Variants in WIPF1 observed in about 807,000 individuals in gnomAD.
WIPF1 encodes WAS/WASL interacting protein family member 1, also known as WAS/WASL-interacting protein family member 1.
In WIPF1, 13 loss-of-function variants were observed where a neutral mutation model predicts 35.4. The ratio of observed to expected loss-of-function variants is 0.37; its 90% CI spans 0.24 to 0.58. WIPF1 has a LOEUF of 0.58. Ranked by LOEUF, WIPF1 falls within the 20% of genes least tolerant of loss-of-function variation. The pLI is 0.74. For missense variants in WIPF1, 591 were observed against 667.0 expected (o/e 0.89, Z 1.25); for synonymous variants, 267 against 266.3 (o/e 1.00, Z -0.02).
chr2:174,626,814 C>T (rs1008745138), intron 1 of WIPF1, among the ~76,000 whole-genome samples: 2 of 152,206 alleles, frequency 1.3e-5, no homozygotes, highest in Non-Finnish European at 2.9e-5. Flanking sequence ...CCTAACTGGT[C>T]CTTCTCTTCC....
chr2:174,635,468 G>T (rs370788317), intron 1 of WIPF1, among the ~76,000 whole-genome samples: 11 of 150,276 alleles, frequency 7.3e-5, no homozygotes, highest in African/African-American at 2.7e-4. Context: ...CAGGGACTAA[G>T]CAACAAGCCC....
At chr2:174,601,355 T>C (rs1686002548), upstream of WIPF1, among the ~76,000 whole-genome samples, 1 of 152,210 alleles carries the variant, frequency 6.6e-6, no homozygotes, top group African/African-American at 2.4e-5. Context: ...GGTCAGCAGG[T>C]AAAACCCTTG....
chr2:174,620,460 T>C (rs1018632810), intron 1 of WIPF1, among the ~76,000 whole-genome samples: 1 of 152,268 alleles, frequency 6.6e-6, no homozygotes, highest in Non-Finnish European at 1.5e-5. Context: ...TTTATCTTCA[T>C]AGTACCAAGT....
At chr2:174,665,986 T>C (rs1328078800) in intron 1 of WIPF1, among the ~76,000 whole-genome samples, 2 of 152,226 alleles carry the variant, frequency 1.3e-5, no homozygotes, top group Non-Finnish European at 2.9e-5. Flanking sequence ...TTTTCTCTCT[T>C]AAAAATATTT....
chr2:174,672,192 C>T (rs1688032058), intron 1 of WIPF1, among the ~76,000 whole-genome samples: 1 of 152,160 alleles, frequency 6.6e-6, no homozygotes, highest in Non-Finnish European at 1.5e-5. Flanking sequence ...GGGGCGGGTT[C>T]CCCCAATAAT....
chr2:174,578,252 C>T (rs982182879), intron 3 of WIPF1, among the ~76,000 whole-genome samples: 1 of 152,168 alleles, frequency 6.6e-6, no homozygotes, highest in African/African-American at 2.4e-5. Context: ...CAGTTGAAAA[C>T]CACTAATGTA....
intron 1 of WIPF1, among the ~76,000 whole-genome samples, chr2:174,646,296 T>A (rs1468070837): frequency 6.6e-6 from 1 of 152,158 alleles, no homozygotes; most frequent in Non-Finnish European, 1.5e-5. Flanking sequence ...TAGGAGCACA[T>A]CAAACGGGGC....
At position 174,572,071 on chromosome 2, in the gene WIPF1, G is replaced by A; in HGVS notation, c.734C>T (p.Pro245Leu). 2 of 1,564,254 alleles carry A rather than the reference G, an allele frequency of 1.3e-6. No individual in the cohort carries two copies. Among genetic ancestry groups the A allele is most frequent in the Non-Finnish European group, 8.6e-7 (1 of 1,156,650 alleles). ...CGGCAGGGGAGGCCGGTTGGAGAAG[G>A]GCGAGGAGGAGCTCAAGGGGGACTG... ...IRQSPLSSSS[P>L]FSNRPPLPPT... Residue 245 changes from proline (P) to leucine (L), a missense_variant, in exon 5 of 8, where the codon CCC becomes CTC. Transcript: ENST00000679041.
At chr2:174,665,022 A>C (rs978235375) in intron 1 of WIPF1, among the ~76,000 whole-genome samples, 3 of 152,164 alleles carry the variant, frequency 2.0e-5, no homozygotes, top group African/African-American at 7.2e-5. Flanking sequence ...CCACTATAGA[A>C]ATTGATTACC....
At chr2:174,575,476 C>T in intron 3 of WIPF1, 96 bp from the exon 4 acceptor site, 2 of 1,450,334 alleles carry the variant, frequency 1.4e-6, no homozygotes, top group South Asian at 3.0e-5. Flanking sequence ...CGGCTCTCGG[C>T]CTCCAGTGGA....
At chr2:174,652,358 C>G (rs999505627) in intron 1 of WIPF1, among the ~76,000 whole-genome samples, 5 of 152,166 alleles carry the variant, frequency 3.3e-5, no homozygotes, top group Non-Finnish European at 7.3e-5. Flanking sequence ...ATATGAGCCA[C>G]TAAGTGTCTG....
chr2:174,661,256 C>T (rs1050088511), intron 1 of WIPF1, among the ~76,000 whole-genome samples: 2 of 152,190 alleles, frequency 1.3e-5, no homozygotes, highest in Admixed American at 6.5e-5. Flanking sequence ...ATGGGATTGA[C>T]GCAAGGGTGA....
intron 7 of WIPF1, 95 bp downstream of exon 7, chr2:174,566,975 C>A (rs1045918293): frequency 1.7e-6 from 2 of 1,195,302 alleles, no homozygotes; most frequent in Non-Finnish European, 2.4e-6. Context: ...TTCTCTACCC[C>A]ACTCCAGGCA....
chr2:174,648,824 A>G (rs1443508154), intron 1 of WIPF1, among the ~76,000 whole-genome samples: 1 of 152,230 alleles, frequency 6.6e-6, no homozygotes, highest in Admixed American at 6.5e-5. Context: ...TTAGGGTTAT[A>G]AAAACAAAAA....
At chr2:174,581,535 G>A (rs758848747) in intron 2 of WIPF1, 96 bp from the exon 3 acceptor site, 334 of 1,500,930 alleles carry the variant, frequency 2.2e-4, no homozygotes, top group Non-Finnish European at 2.5e-4. Context: ...GAAGCTTGTT[G>A]TTAAGGTTCT....
chr2:174,572,570 T>G (rs1461226037), intron 4 of WIPF1, 124 bp from the exon 5 acceptor site: 3 of 1,292,534 alleles, frequency 2.3e-6, no homozygotes, highest in Non-Finnish European at 3.1e-6. Flanking sequence ...CAGGAAACTA[T>G]TATTTATATA....
chr2:174,572,562 G>A, intron 4 of WIPF1, 116 bp from the exon 5 acceptor site: 1 of 1,331,038 alleles, frequency 7.5e-7, no homozygotes. Context: ...ATAAAATACA[G>A]GAAACTATTA....
intron 5 of WIPF1, among the ~76,000 whole-genome samples, chr2:174,569,220 C>T (rs978292115): frequency 6.6e-6 from 1 of 152,142 alleles, no homozygotes; most frequent in Non-Finnish European, 1.5e-5. Context: ...GAACAACCTG[C>T]CCACTGCAGA....
At position 174,585,509 on chromosome 2, in the gene WIPF1, G is replaced by T. The variant is rs183871540; in HGVS notation, c.51+14C>A. 119 of 1,564,062 alleles carry T rather than the reference G, an allele frequency of 7.6e-5. No individual in the cohort carries two copies. In the African/African-American group the frequency reaches 1.0e-3, roughly 13 times the overall value. On this transcript the variant is annotated intron_variant, in intron 2 of 7. Coordinates refer to ENST00000679041, the MANE Select transcript of WIPF1 (RefSeq NM_001375834.1). ...GCTTTATGCATAGAAAGTGTTTGGG[G>T]AGGAGACACTCACCAGTGCAAACGT...
Sources: allele counts gnomAD v4.1 joint callset (sites outside exome capture counted in the v4.1 genomes callset), GRCh38; gene constraint gnomAD v4.1.1; transcripts MANE v1.5; gene names NCBI Gene and HGNC (gene_info 2026-07-23, HGNC 2026-07-21).